The following OXA1L variants were observed in gnomAD, a reference collection of about 807,000 sequenced individuals.
OXA1L encodes OXA1L mitochondrial inner membrane insertase, also known as mitochondrial inner membrane protein OXA1L.
OXA1L carries 42 observed loss-of-function variants against 52.2 expected under a neutral mutation model. The observed-to-expected ratio is 0.80, with a 90% confidence interval of 0.63 to 1.04. The LOEUF (loss-of-function observed/expected upper bound fraction) is 1.04. Ranked by LOEUF, OXA1L falls within the 50% of genes least tolerant of loss-of-function variation. The pLI, the probability that OXA1L is intolerant of heterozygous loss-of-function variation, is 0.00. For missense variants in OXA1L, 572 were observed against 555.0 expected (o/e 1.03, Z -0.31); for synonymous variants, 239 against 201.9 (o/e 1.18, Z -1.56).
chr14:22,768,388 AT>A, intron 3 of OXA1L: 1 of 560,848 alleles, frequency 1.8e-6, no homozygotes. Context: ...AGAAGTGTAG[AT>A]ATTTGAATAC....
rs1428035522 is a variant in OXA1L at position 22,767,416 on chromosome 14, G to A, written c.225+7G>A. The A allele has an allele frequency of 1.3e-6, 2 of 1,589,616 alleles. No individual in the cohort carries two copies. Among genetic ancestry groups the A allele is most frequent in the Non-Finnish European group, 1.7e-6 (2 of 1,171,008 alleles). ...CTCTTTTGCAGAAGTCCAGGTAAGA[G>A]GCCTTTCGTTCCTGCAATATTAGGA... On this transcript the variant is annotated splice_region_variant and intron_variant, in intron 2 of 9. Coordinates refer to ENST00000612549, the MANE Select transcript of OXA1L (RefSeq NM_005015.5).
rs913878640 is a variant in OXA1L at position 22,772,303 on chromosome 14, T to G, written c.*745T>G. On this transcript the variant is annotated 3_prime_UTR_variant, in exon 10 of 10. Transcript: ENST00000612549. Reference sequence around the variant, plus strand: ...ATCGAGACCATCCTGGCCAACATGGTGAAACCCCGTCTCTACTAAAAAAAA... The same window carrying G: ...ATCGAGACCATCCTGGCCAACATGGGGAAACCCCGTCTCTACTAAAAAAAA... The G allele has an allele frequency of 7.3e-6, 1 of 136,898 alleles. No individual in the cohort carries two copies. Among genetic ancestry groups the G allele is most frequent in the Non-Finnish European group, 1.6e-5 (1 of 64,414 alleles). The allele number at this position is 136,898 out of a possible 1,614,324, so 8.5% of individuals were successfully genotyped here. A position where few individuals can be genotyped will look rare whatever the true frequency, so the allele number is the denominator to read the frequency against.
At chr14:22,767,713 A>G (rs2038421545) in intron 2 of OXA1L, 1 of 496,560 alleles carries the variant, frequency 2.0e-6, no homozygotes. Context: ...TTTGGAAAAC[A>G]GTGATAAAAG....
chr14:22,770,199 A>T lies in OXA1L; in HGVS notation c.590A>T (p.Lys197Met). 1 of 1,607,526 alleles carries T rather than the reference A, an allele frequency of 6.2e-7. No individual in the cohort carries two copies. The highest frequency in any genetic ancestry group is 8.5e-7 in the Non-Finnish European group (1 of 1,174,012). The change falls in exon 5 of 10, where the codon AAG becomes ATG. Residue 197 changes from lysine to methionine, a missense_variant. Physicochemically the swap from Lys to Met is moderately conservative, Grantham distance 95. This residue lies in a region of OXA1L where 132 missense variants were observed against 124.0 expected (regional missense o/e 1.06). Coordinates refer to ENST00000612549, the MANE Select transcript of OXA1L (RefSeq NM_005015.5). The part of the protein sequence containing the change: ...KLAGDHIEYY[K>M]ASSEMALYQK... ...ATTTCCCCTCACCTCACAGATTACA[A>T]GGCTTCCTCGGAGATGGCACTTTAC...
In OXA1L at chr14:22,769,907, G is replaced by T. The variant is rs770712921; in HGVS notation, c.556G>T (p.Ala186Ser). 3.7e-6 allele frequency: 6 copies of T among 1,614,172 alleles called. No homozygotes were observed. Among genetic ancestry groups the T allele is most frequent in the Non-Finnish European group, 5.1e-6 (6 of 1,180,030 alleles). Residue 186 changes from alanine (A) to serine (S), a missense_variant, in exon 4 of 10, where the codon GCC (alanine) becomes TCC (serine). Physicochemically the swap from Ala to Ser is moderately conservative, Grantham distance 99. Coordinates refer to ENST00000612549, the MANE Select transcript of OXA1L (RefSeq NM_005015.5). Reference protein sequence around the residue: ...IQKFSSRIREAKLAGDHIEYY... With the variant: ...IQKFSSRIRESKLAGDHIEYY... ...GAAGTTTTCCAGTCGAATCAGAGAG[G>T]CCAAGTTAGCAGGAGACCATATTGA...
rs749262611 is a variant in OXA1L, at chr14:22,771,494, C to T, written c.1244C>T (p.Pro415Leu). The change falls in exon 10 of 10, where the codon CCC becomes CTC. Residue 415 changes from proline to leucine, a missense_variant. Around this residue, in one of 5 missense-constraint regions of OXA1L, gnomAD observed 244 missense variants for 240.2 expected, o/e 1.02. Transcript: ENST00000612549. ...PLLQPGKDNPPNIPSSSSKPK... is the reference protein window; with the variant it reads ...PLLQPGKDNPLNIPSSSSKPK... ...CTACAACCTGGAAAGGATAACCCTC[C>T]CAATATCCCTAGCAGCAGCAGCAAA... The T allele has an allele frequency of 1.9e-6, 3 of 1,608,088 alleles. No homozygotes were observed. The highest frequency in any genetic ancestry group is 2.5e-6 in the Non-Finnish European group (3 of 1,177,096).
At chr14:22,767,010 C>T (rs2139372293) in intron 1 of OXA1L, 2 of 1,535,476 alleles carry the variant, frequency 1.3e-6, no homozygotes, top group African/African-American at 1.4e-5. Flanking sequence ...TCTCAGGGCC[C>T]TCCGATGTGG....
chr14:22,771,387 CT>C lies in OXA1L; in HGVS notation c.1183+41del, dbSNP rs575636204. On this transcript the variant is annotated intron_variant, in intron 9 of 9. Transcript: ENST00000612549. ...TCAGGCCAAATTCTGTCTTTTGTTT[CT>C]TCCTTTCTGTTCTTCGTTGAAATTT... The C allele has an allele frequency of 2.1e-3, 3,365 of 1,613,860 alleles. 6 individuals carry two copies. Among genetic ancestry groups the C allele is most frequent in the Middle Eastern group, 3.0e-3 (18 of 6,060 alleles).
chr14:22,767,223 C>T (rs2038414706), intron 1 of OXA1L, 25 bp from the exon 2 acceptor site: 1 of 1,589,934 alleles, frequency 6.3e-7, no homozygotes, highest in Non-Finnish European at 8.6e-7. Context: ...GGTAAAGGGG[C>T]TCCATCATCC....
At position 22,771,713 on chromosome 14, in the gene OXA1L, T is replaced by C; in HGVS notation, c.*155T>C. 1 of 614,076 alleles carries C rather than the reference T, an allele frequency of 1.6e-6. No individual in the cohort carries two copies. The highest frequency in any genetic ancestry group is 2.8e-6 in the Non-Finnish European group (1 of 362,256). The allele number at this position is 614,076 out of a possible 1,614,324, so 38.0% of individuals were successfully genotyped here. ...GGATTTCATGAAACACTCTTGTACT[T>C]ATGTTTATAAGAGAGCACTGGGTAG... On this transcript the variant is annotated 3_prime_UTR_variant, in exon 10 of 10. Coordinates refer to ENST00000612549, the MANE Select transcript of OXA1L (RefSeq NM_005015.5).
rs938733354 is a variant in OXA1L, at chr14:22,772,703, A to G, written c.*1145A>G. 6.6e-6 allele frequency: 1 copy of G among 152,324 alleles called. No individual in the cohort carries two copies. The highest frequency in any genetic ancestry group is 1.5e-5 in the Non-Finnish European group (1 of 68,198). The allele number at this position is 152,324 out of a possible 1,614,324, so 9.4% of individuals were successfully genotyped here. The stretch of plus-strand genomic sequence containing the variant: ...TGCAAATTCTTAGTGATAATTAAGA[A>G]TGAAAGTTCCAGGCTGGGCAAAGTG... On this transcript the variant is annotated 3_prime_UTR_variant, in exon 10 of 10. Coordinates refer to ENST00000612549, the MANE Select transcript of OXA1L (RefSeq NM_005015.5).
At chr14:22,768,214 C>A (rs1220401765) in intron 3 of OXA1L, 43 bp downstream of exon 3, 1 of 1,453,644 alleles carries the variant, frequency 6.9e-7, no homozygotes, top group Non-Finnish European at 9.7e-7. Context: ...GATTTAACCT[C>A]ATAGATGGCA....
intron 2 of OXA1L, 28 bp from the exon 3 acceptor site, chr14:22,767,930 A>G (rs2038423354): frequency 2.5e-6 from 4 of 1,569,144 alleles, no homozygotes; most frequent in Non-Finnish European, 3.5e-6. Flanking sequence ...TACTGAATAA[A>G]TATAATACAA....
At position 22,767,417 on chromosome 14, in the gene OXA1L, G is replaced by C. The variant is rs75618032; in HGVS notation, c.225+8G>C. 6.0e-4 allele frequency: 953 copies of C among 1,588,142 alleles called. 1 individual carries two copies. The highest frequency in any genetic ancestry group is 1.5e-3 in the Middle Eastern group (9 of 5,864). ...TCTTTTGCAGAAGTCCAGGTAAGAG[G>C]CCTTTCGTTCCTGCAATATTAGGAG... On this transcript the variant is annotated splice_region_variant and intron_variant, in intron 2 of 9. Coordinates refer to ENST00000612549, the MANE Select transcript of OXA1L (RefSeq NM_005015.5).
chr14:22,766,928 A>C (rs1395819378), intron 1 of OXA1L, 164 bp downstream of exon 1: 1 of 1,512,636 alleles, frequency 6.6e-7, no homozygotes, highest in African/African-American at 1.4e-5. Flanking sequence ...AGTCCCCGAC[A>C]CTATGGGCCC....
chr14:22,766,787 CACCGGGATGCTGCCCTG>C, intron 1 of OXA1L, 23 bp downstream of exon 1: 2 of 1,613,540 alleles, frequency 1.2e-6, no homozygotes, highest in Non-Finnish European at 1.7e-6. Context: ...CGGGGCAGAG[CACCGGGATGCTGCCCTG>C]ACCCAGTGAA....
chr14:22,766,869 C>T, intron 1 of OXA1L, 105 bp downstream of exon 1: 1 of 1,560,860 alleles, frequency 6.4e-7, no homozygotes, highest in South Asian at 1.2e-5. Flanking sequence ...ACCTGCTCAC[C>T]GGGACCTGAA....
Position 22,771,276 on chromosome 14 carries a change from A to G in OXA1L, c.1111A>G (p.Asn371Asp). 1 of 1,614,152 alleles carries G rather than the reference A, an allele frequency of 6.2e-7. No individual in the cohort carries two copies. Among genetic ancestry groups the G allele is most frequent in the African/African-American group, 1.3e-5 (1 of 75,052 alleles). Residue 371 changes from asparagine to aspartate, a missense_variant, in exon 9 of 10, where the codon AAT (asparagine) becomes GAT (aspartate). Asn to Asp is a conservative substitution (Grantham distance 23). Transcript: ENST00000612549. Reference protein sequence around the residue: ...FLESFKKGWKNAEMTRQLRER... With the variant: ...FLESFKKGWKDAEMTRQLRER... ...TGCTTCTCTTTACACAGGCTGGAAA[A>G]ATGCTGAAATGACGCGTCAGCTGCG...
In OXA1L at chr14:22,769,933, G is replaced by A. The variant is rs764608444; in HGVS notation, c.582G>A (p.Glu194=). Residue 194 remains glutamate, a splice_region_variant and synonymous_variant, in exon 4 of 10, where the codon GAG becomes GAA. Transcript: ENST00000612549. The part of the protein sequence containing the change: ...REAKLAGDHI[E]YYKASSEMAL... Reference sequence around the variant, plus strand: ...CCAAGTTAGCAGGAGACCATATTGAGTGTGAGTCAGTTGCAGAATGAGCGT... The same window carrying A: ...CCAAGTTAGCAGGAGACCATATTGAATGTGAGTCAGTTGCAGAATGAGCGT... The A allele has an allele frequency of 1.9e-6, 3 of 1,614,152 alleles. No individual in the cohort carries two copies. Among genetic ancestry groups the A allele is most frequent in the Non-Finnish European group, 2.5e-6 (3 of 1,180,004 alleles).
Sources: gnomAD v4.1 joint callset for allele counts on GRCh38, gnomAD v4.1.1 for gene constraint, gnomAD v4.1.1 regional missense constraint, MANE v1.5 for transcripts, NCBI Gene and HGNC (gene_info 2026-07-23, HGNC 2026-07-21) for gene names.